BRCA2: variants seen among roughly 807,000 people sequenced by gnomAD.
BRCA2 encodes BRCA2 DNA repair associated.
In BRCA2, 203 loss-of-function variants were observed where a neutral mutation model predicts 276.7. That is an observed-to-expected ratio of 0.73 (90% confidence interval 0.65 to 0.82). The LOEUF is 0.82. BRCA2 is among the 40% of genes least tolerant of loss of function. BRCA2 has a pLI of 0.00. For missense variants in BRCA2, 3,920 were observed against 3,915.0 expected, an observed-to-expected ratio of 1.00 and a Z score of -0.03; for synonymous variants, 1,289 against 1,338.4, an observed-to-expected ratio of 0.96 and a Z score of 0.81.
intron 24 of BRCA2, among the ~76,000 whole-genome samples, chr13:32,391,003 T>C (rs898412031): frequency 3.3e-5 from 5 of 152,226 alleles, no homozygotes; most frequent in South Asian, 2.1e-4. Context: ...TTTGAACTTA[T>C]ACTTTCAGGC....
intron 16 of BRCA2, among the ~76,000 whole-genome samples, chr13:32,360,108 A>G (rs2072728696): frequency 6.6e-6 from 1 of 152,202 alleles, no homozygotes; most frequent in South Asian, 2.1e-4. Context: ...TGAGTCAGCT[A>G]CATTTGATAA....
intron 11 of BRCA2, among the ~76,000 whole-genome samples, chr13:32,342,416 T>C (rs1441578422): frequency 6.6e-6 from 1 of 152,224 alleles, no homozygotes; most frequent in Non-Finnish European, 1.5e-5. Context: ...AAATGGTATC[T>C]TGATCTTAAT....
Position 32,340,536 on chromosome 13 carries a change from G to A in BRCA2, c.6181G>A (p.Ala2061Thr), listed in dbSNP as rs1555284585. ...ATCTGCTTTCTCTGGATTTAGTACA[G>A]CAAGTGGAAAGCAAGTTTCCATTTT... The part of the protein sequence containing the change: ...NSSAFSGFST[A>T]SGKQVSILES... The change falls in exon 11 of 27, where the codon GCA becomes ACA. Residue 2061 changes from alanine to threonine, a missense_variant. Coordinates refer to ENST00000380152, the MANE Select transcript of BRCA2 (RefSeq NM_000059.4). 6 of 1,613,100 alleles carry A rather than the reference G, an allele frequency of 3.7e-6. No homozygotes were observed. Among genetic ancestry groups the A allele is most frequent in the Non-Finnish European group, 4.2e-6 (5 of 1,179,578 alleles).
intron 12 of BRCA2, among the ~76,000 whole-genome samples, chr13:32,345,310 G>T (rs907268802): frequency 6.6e-6 from 1 of 151,966 alleles, no homozygotes; most frequent in African/African-American, 2.4e-5. Context: ...CTTGAGAAAC[G>T]CACTGAAGTA....
At position 32,332,873 on chromosome 13, in the gene BRCA2, A is replaced by C. The variant is rs11571641; in HGVS notation, c.1395A>C (p.Val465=). 6.2e-4 allele frequency: 1,001 copies of C among 1,611,462 alleles called. No individual in the cohort carries two copies. The highest frequency in any genetic ancestry group is 8.2e-4 in the Non-Finnish European group (963 of 1,179,492). ...SEKPLNEETV[V]NKRDEEQHLE... ...AGCCATTAAATGAGGAAACAGTGGTAAATAAGAGAGATGAAGAGCAGCATC... is the reference window on the plus strand; with the variant it reads ...AGCCATTAAATGAGGAAACAGTGGTCAATAAGAGAGATGAAGAGCAGCATC... The change falls in exon 10 of 27, where the codon GTA becomes GTC. Residue 465 remains valine (V), a synonymous_variant. Coordinates refer to ENST00000380152, the MANE Select transcript of BRCA2 (RefSeq NM_000059.4).
chr13:32,363,689 T>G (rs531961592), intron 18 of BRCA2, among the ~76,000 whole-genome samples, 156 bp downstream of exon 18: 6 of 152,340 alleles, frequency 3.9e-5, no homozygotes, highest in African/African-American at 1.4e-4. Context: ...ACAGTTAAAG[T>G]TTTTGTGCAG....
At chr13:32,316,281 C>G in intron 1 of BRCA2, 141 bp from the exon 2 acceptor site, 1 of 665,066 alleles carries the variant, frequency 1.5e-6, no homozygotes, top group Non-Finnish European at 2.7e-6. Context: ...TGTTCCCATC[C>G]TCACAGTAAG....
rs80358600 is a variant in BRCA2, at chr13:32,337,870, C to A, written c.3515C>A (p.Ser1172Ter). The A allele has an allele frequency of 6.2e-7, 1 of 1,614,020 alleles. No individual in the cohort carries two copies. Among genetic ancestry groups the A allele is most frequent in the Middle Eastern group, 1.6e-4 (1 of 6,062 alleles). The change falls in exon 11 of 27, where the codon TCG (serine) becomes TAG (stop). Residue 1172 changes from serine (S) to a stop codon, truncating the protein, a stop_gained. Coordinates refer to ENST00000380152, the MANE Select transcript of BRCA2 (RefSeq NM_000059.4). LOFTEE classifies it high-confidence loss of function. Reference sequence around the variant, plus strand: ...CTTCATGTCATAATGAATGCCCCATCGATTGGTCAGGTAGACAGCAGCAAG... The same window carrying A: ...CTTCATGTCATAATGAATGCCCCATAGATTGGTCAGGTAGACAGCAGCAAG... ...ADLHVIMNAP[S>*]IGQVDSSKQF...
chr13:32,386,416 GA>G (rs1284578832), intron 24 of BRCA2, among the ~76,000 whole-genome samples: 2 of 151,876 alleles, frequency 1.3e-5, no homozygotes, highest in Admixed American at 6.6e-5. Flanking sequence ...TCAAAATAAA[GA>G]AAAAATGATA....
intron 18 of BRCA2, 108 bp downstream of exon 18, chr13:32,363,641 T>G: frequency 9.7e-7 from 1 of 1,027,530 alleles, no homozygotes; most frequent in Non-Finnish European, 1.4e-6. Context: ...ATTTCTTAGA[T>G]GTACTGATAA....
intron 24 of BRCA2, among the ~76,000 whole-genome samples, chr13:32,394,166 T>C (rs764547011): frequency 6.6e-6 from 1 of 152,244 alleles, no homozygotes; most frequent in East Asian, 1.9e-4. Flanking sequence ...TGTTTGGATG[T>C]ACCACAGTTT....
chr13:32,336,136 TC>T, intron 10 of BRCA2, 128 bp from the exon 11 acceptor site: 1 of 1,036,402 alleles, frequency 9.6e-7, no homozygotes, highest in Non-Finnish European at 1.4e-6. Flanking sequence ...TGCCTCAGCC[TC>T]CCAAAAGTGC....
intron 7 of BRCA2, among the ~76,000 whole-genome samples, chr13:32,328,113 T>C (rs1302162960): frequency 6.6e-6 from 1 of 152,182 alleles, no homozygotes. Context: ...TAAATGTGAT[T>C]ATAGTACAAA....
At chr13:32,376,883 G>T in intron 21 of BRCA2, 92 bp downstream of exon 21, 1 of 1,530,464 alleles carries the variant, frequency 6.5e-7, no homozygotes. Context: ...GAAGGAGTAT[G>T]TTGAAATGCT....
chr13:32,334,047 T>G (rs1253924878), intron 10 of BRCA2, among the ~76,000 whole-genome samples: 1 of 152,264 alleles, frequency 6.6e-6, no homozygotes, highest in Non-Finnish European at 1.5e-5. Flanking sequence ...TGATTCCATG[T>G]CTGTGCTATT....
rs80359800 is a variant in BRCA2 at position 32,363,194 on chromosome 13, T to G, written c.7992T>G (p.Ile2664Met). 6 of 1,613,670 alleles carry G rather than the reference T, an allele frequency of 3.7e-6. No homozygotes were observed. Among genetic ancestry groups the G allele is most frequent in the Middle Eastern group, 3.3e-4 (2 of 6,060 alleles). Residue 2664 changes from isoleucine (I) to methionine (M), a missense_variant, in exon 18 of 27, where the codon ATT becomes ATG. By Grantham distance (10) the Ile-to-Met change is conservative. Coordinates refer to ENST00000380152, the MANE Select transcript of BRCA2 (RefSeq NM_000059.4). ...LQLKYRYDTE[I>M]DRSRRSAIKK... is the part of the protein sequence containing the mutation. ...TCACTTTTAGATATGATACGGAAAT[T>G]GATAGAAGCAGAAGATCGGCTATAA...
rs876659138 is a variant in BRCA2, at chr13:32,339,621, G to A, written c.5266G>A (p.Val1756Ile). 3.7e-6 allele frequency: 6 copies of A among 1,611,882 alleles called. No homozygotes were observed. In the South Asian group the frequency reaches 6.6e-5, roughly 18 times the overall value. Residue 1756 changes from valine to isoleucine, a missense_variant, in exon 11 of 27, where the codon GTA becomes ATA. By Grantham distance (29) the Val-to-Ile change is conservative. This residue lies in a region of BRCA2 where 3,263 missense variants were observed against 3,156.9 expected (regional missense o/e 1.03). Coordinates refer to ENST00000380152, the MANE Select transcript of BRCA2 (RefSeq NM_000059.4). ...SNSYSYHSDE[V>I]YNDSGYLSKN... Reference sequence around the variant, plus strand: ...CAGCTATTCCTACCATTCTGATGAGGTATATAATGATTCAGGATATCTCTC... The same window carrying A: ...CAGCTATTCCTACCATTCTGATGAGATATATAATGATTCAGGATATCTCTC...
intron 26 of BRCA2, among the ~76,000 whole-genome samples, chr13:32,397,619 G>A (rs2073045316): frequency 6.6e-6 from 1 of 152,018 alleles, no homozygotes; most frequent in Admixed American, 6.6e-5. Context: ...AGATTTAAAT[G>A]ACATTGCTCA....
At chr13:32,352,146 C>A (rs2072657614) in intron 13 of BRCA2, among the ~76,000 whole-genome samples, 3 of 152,052 alleles carry the variant, frequency 2.0e-5, no homozygotes, top group Admixed American at 2.0e-4. Context: ...TTGTTGAAGT[C>A]ACTGAGTTGT....
Sources: gnomAD v4.1 joint callset for allele counts (sites outside exome capture counted in the v4.1 genomes callset) on GRCh38, gnomAD v4.1.1 for gene constraint, gnomAD v4.1.1 regional missense constraint, MANE v1.5 for transcripts, NCBI Gene and HGNC (gene_info 2026-07-23, HGNC 2026-07-21) for gene names.